SH3BGRL2: variants seen among roughly 807,000 people sequenced by gnomAD.
SH3BGRL2 encodes the protein SH3 domain-binding glutamic acid-rich-like protein 2.
Under a neutral mutation model 14.8 loss-of-function variants are expected in SH3BGRL2, and 21 were observed. That is an observed-to-expected ratio of 1.42 (90% CI 1.01 to 2.05). The LOEUF is 2.05. Among genes scored for constraint, SH3BGRL2 ranks in the 30% most tolerant of loss-of-function variants. The pLI is 0.00. For missense variants in SH3BGRL2, 147 were observed against 130.8 expected (o/e 1.12, Z -0.61); for synonymous variants, 50 against 47.8 (o/e 1.05, Z -0.19).
At chr6:79,599,787 G>A in the SH3BGRL2 span, among the ~76,000 whole-genome samples, 1 of 152,122 alleles carries the variant, frequency 6.6e-6, no homozygotes, top group Non-Finnish European at 1.5e-5. Flanking sequence ...AGTGCTATTC[G>A]AGCAGGGAAA....
chr6:79,581,167 A>T, the SH3BGRL2 span, among the ~76,000 whole-genome samples: 4 of 152,188 alleles, frequency 2.6e-5, no homozygotes, highest in Non-Finnish European at 5.9e-5. Context: ...AACCAAAAAA[A>T]GTCCAGGACC....
chr6:79,651,418 G>A (rs1225774888), intron 1 of SH3BGRL2, among the ~76,000 whole-genome samples: 1 of 152,098 alleles, frequency 6.6e-6, no homozygotes, highest in African/African-American at 2.4e-5. Context: ...ATACAATCTT[G>A]ACAGGAAATG....
At chr6:79,664,852 A>G in intron 1 of SH3BGRL2, among the ~76,000 whole-genome samples, 1 of 152,226 alleles carries the variant, frequency 6.6e-6, no homozygotes, top group East Asian at 1.9e-4. Flanking sequence ...AATCTGTGTA[A>G]AGTCCCTGTG....
At chr6:79,600,169 T>C in the SH3BGRL2 span, among the ~76,000 whole-genome samples, 2 of 152,226 alleles carry the variant, frequency 1.3e-5, no homozygotes, top group African/African-American at 4.8e-5. Flanking sequence ...AGCAAGTCTT[T>C]GTTTCTTTGC....
At chr6:79,654,794 G>A (rs968107719) in intron 1 of SH3BGRL2, among the ~76,000 whole-genome samples, 13 of 152,144 alleles carry the variant, frequency 8.5e-5, no homozygotes, top group African/African-American at 1.2e-4. Flanking sequence ...ACCTGCTTGA[G>A]GGGGGTGGTG....
chr6:79,557,273 C>A, the SH3BGRL2 span, among the ~76,000 whole-genome samples: 1 of 151,322 alleles, frequency 6.6e-6, no homozygotes, highest in Non-Finnish European at 1.5e-5. Context: ...TTTTATAGAT[C>A]ATAAAATTAT....
At chr6:79,645,469 T>A (rs1562146028) in intron 1 of SH3BGRL2, among the ~76,000 whole-genome samples, 1 of 152,114 alleles carries the variant, frequency 6.6e-6, no homozygotes, top group African/African-American at 2.4e-5. Context: ...TGGAACTGAG[T>A]AGTGATGCCC....
At chr6:79,655,705 T>C (rs527982670) in intron 1 of SH3BGRL2, among the ~76,000 whole-genome samples, 1 of 152,378 alleles carries the variant, frequency 6.6e-6, no homozygotes, top group Non-Finnish European at 1.5e-5. Context: ...CCTTTATGAC[T>C]GACTTCTTTC....
chr6:79,676,764 A>C (rs576197814), intron 2 of SH3BGRL2, among the ~76,000 whole-genome samples: 1 of 152,196 alleles, frequency 6.6e-6, no homozygotes, highest in African/African-American at 2.4e-5. Flanking sequence ...TGAATAGAGG[A>C]ATATATTGAA....
intron 2 of SH3BGRL2, among the ~76,000 whole-genome samples, chr6:79,676,014 A>ACT (rs1769875239): frequency 6.6e-6 from 1 of 152,072 alleles, no homozygotes; most frequent in African/African-American, 2.4e-5. Context: ...CTGTGGGATG[A>ACT]CTCAGTAGCC....
At chr6:79,583,506 T>C in the SH3BGRL2 span, among the ~76,000 whole-genome samples, 9 of 152,130 alleles carry the variant, frequency 5.9e-5, no homozygotes, top group African/African-American at 2.2e-4. Flanking sequence ...CTGGAAACCA[T>C]CATTCTCAGC....
At chr6:79,541,812 G>A in the SH3BGRL2 span, among the ~76,000 whole-genome samples, 1 of 152,168 alleles carries the variant, frequency 6.6e-6, no homozygotes. Flanking sequence ...GTCCCCAAAA[G>A]TGATGATAAT....
chr6:79,631,636 G>A (rs1768827723), intron 1 of SH3BGRL2, 130 bp downstream of exon 1: 1 of 523,150 alleles, frequency 1.9e-6, no homozygotes, highest in East Asian at 4.7e-5. Flanking sequence ...CCCGGCAGGT[G>A]ATCCATCACA....
chr6:79,551,304 A>G, the SH3BGRL2 span, among the ~76,000 whole-genome samples: 5 of 152,198 alleles, frequency 3.3e-5, no homozygotes, highest in Non-Finnish European at 7.4e-5. Context: ...AGTAGACAGT[A>G]TTGCAATATT....
chr6:79,597,268 GAA>G, the SH3BGRL2 span, among the ~76,000 whole-genome samples: 1 of 142,476 alleles, frequency 7.0e-6, no homozygotes, highest in Non-Finnish European at 1.5e-5. Context: ...GAAGAGGAAA[GAA>G]AGAGAGAGAG....
At chr6:79,545,110 A>T in the SH3BGRL2 span, among the ~76,000 whole-genome samples, 2 of 152,300 alleles carry the variant, frequency 1.3e-5, no homozygotes, top group South Asian at 4.1e-4. Context: ...AGCTGGCCTC[A>T]TGTCTCCCTG....
chr6:79,615,178 A>G, the SH3BGRL2 span, among the ~76,000 whole-genome samples: 1 of 152,340 alleles, frequency 6.6e-6, no homozygotes, highest in Admixed American at 6.5e-5. Flanking sequence ...TTGGGAGGCC[A>G]TAAGGCCCCT....
chr6:79,649,246 G>A (rs916242813), intron 1 of SH3BGRL2, among the ~76,000 whole-genome samples: 1 of 152,138 alleles, frequency 6.6e-6, no homozygotes, highest in Non-Finnish European at 1.5e-5. Context: ...TGGACTCTGG[G>A]AATGTCAGCA....
At chr6:79,664,044 G>A (rs1769607833) in intron 1 of SH3BGRL2, among the ~76,000 whole-genome samples, 1 of 152,244 alleles carries the variant, frequency 6.6e-6, no homozygotes, top group African/African-American at 2.4e-5. Context: ...TTGAGTGGGA[G>A]TGTCCTGTTT....
Sources: gnomAD v4.1 joint callset for allele counts (sites outside exome capture counted in the v4.1 genomes callset) on GRCh38, gnomAD v4.1.1 for gene constraint, MANE v1.5 for transcripts, NCBI Gene and HGNC (gene_info 2026-07-23, HGNC 2026-07-21) for gene names.